PIK3C3: variants seen among roughly 807,000 people sequenced by gnomAD.
PIK3C3 encodes the protein PI3-kinase type 3.
In PIK3C3, 95 loss-of-function variants were observed where a neutral mutation model predicts 126.1. The ratio of observed to expected loss-of-function variants is 0.75; its 90% CI spans 0.64 to 0.89. PIK3C3 has a LOEUF of 0.89. Ranked by LOEUF, PIK3C3 falls within the 40% of genes least tolerant of loss-of-function variation. The probability of loss-of-function intolerance (pLI) is 0.00; values close to 1 mark genes in which losing one functional copy is unlikely to be tolerated. For synonymous variants in PIK3C3, 374 were observed against 360.0 expected (o/e 1.04, Z -0.44); for missense variants, 829 against 1,063.2 (o/e 0.78, Z 3.06).
In PIK3C3 at chr18:41,972,508, A is replaced by C. The variant is rs955352044; in HGVS notation, c.531+2052A>C. On this transcript the variant is annotated intron_variant, in intron 4 of 24. Coordinates refer to ENST00000262039, the MANE Select transcript of PIK3C3 (RefSeq NM_002647.4). ...ATGGGAATAAAAATTAATGAGAGTG[A>C]GCAGCTTACAGTCCTCCTGATAGTA... is the stretch of plus-strand genomic sequence containing the variant. Among the ~76,000 whole-genome samples the C allele has an allele frequency of 2.0e-5, 3 of 152,126 alleles. No individual in the cohort carries two copies. The East Asian group carries it at 5.8e-4, about 29-fold the overall frequency.
intron 2 of PIK3C3, among the ~76,000 whole-genome samples, chr18:41,958,720 T>C (rs922696733): frequency 7.2e-5 from 11 of 152,090 alleles, no homozygotes; most frequent in Admixed American, 6.5e-4. Context: ...GATATATATG[T>C]ATATAGATAT....
chr18:41,966,078 C>T (rs1455953393), intron 3 of PIK3C3, among the ~76,000 whole-genome samples: 6 of 151,630 alleles, frequency 4.0e-5, no homozygotes, highest in Non-Finnish European at 7.4e-5. Context: ...GCACTGATTG[C>T]GTGAAATTAT....
chr18:42,030,211 C>T (rs1026812611), intron 15 of PIK3C3, among the ~76,000 whole-genome samples: 3 of 152,122 alleles, frequency 2.0e-5, no homozygotes, highest in African/African-American at 7.2e-5. Context: ...TTGACTTGCC[C>T]AAGGTTTCAC....
intron 23 of PIK3C3, among the ~76,000 whole-genome samples, chr18:42,066,002 C>G (rs886573347): frequency 6.6e-6 from 1 of 152,140 alleles, no homozygotes; most frequent in African/African-American, 2.4e-5. Context: ...TATTTTGATT[C>G]TCCTGCTCTG....
intron 24 of PIK3C3, among the ~76,000 whole-genome samples, chr18:42,069,971 G>T (rs1598954512): frequency 6.6e-6 from 1 of 152,056 alleles, no homozygotes; most frequent in East Asian, 1.9e-4. Flanking sequence ...TTTTTTGTTT[G>T]CTGTAATGTT....
chr18:42,087,230 C>G lies in PIK3C3; in HGVS notation c.*6093C>G, dbSNP rs1271500849. ...CCTCTATAGATGTCTGCACTGACAC[C>G]GTGGCTTTAAGGCATGGCCCATGAT... is the stretch of plus-strand genomic sequence containing the variant. On this transcript the variant is annotated 3_prime_UTR_variant, in exon 25 of 25. Transcript: ENST00000262039. 6.6e-6 allele frequency: 1 copy of G among 152,032 alleles called. No individual in the cohort carries two copies. The allele number at this position is 152,032 out of a possible 1,614,324, so 9.4% of individuals were successfully genotyped here. A position where few individuals can be genotyped will look rare whatever the true frequency, so the allele number is the denominator to read the frequency against.
intron 4 of PIK3C3, among the ~76,000 whole-genome samples, chr18:41,985,959 A>C (rs1053508990): frequency 6.6e-6 from 1 of 152,132 alleles, no homozygotes; most frequent in African/African-American, 2.4e-5. Context: ...TTAATTTACC[A>C]TTGCCAGTTC....
intron 24 of PIK3C3, among the ~76,000 whole-genome samples, chr18:42,069,426 C>G (rs1440895567): frequency 6.6e-6 from 1 of 152,164 alleles, no homozygotes; most frequent in African/African-American, 2.4e-5. Flanking sequence ...GACTTAAACC[C>G]AAATATTTTG....
At position 42,083,558 on chromosome 18, in the gene PIK3C3, A is replaced by G. The variant is rs1986323147; in HGVS notation, c.*2421A>G. ...GGAGTTAGCAAAAATCATTCTCCAT[A>G]TGATAGTTTTAGATGTTCCCCAGCT... On this transcript the variant is annotated 3_prime_UTR_variant, in exon 25 of 25. Transcript: ENST00000262039. 6.6e-6 allele frequency: 1 copy of G among 152,166 alleles called. No individual in the cohort carries two copies. Among genetic ancestry groups the G allele is most frequent in the African/African-American group, 2.4e-5 (1 of 41,432 alleles). The allele number at this position is 152,166 out of a possible 1,614,324, so 9.4% of individuals were successfully genotyped here. A position where few individuals can be genotyped will look rare whatever the true frequency, so the allele number is the denominator to read the frequency against.
chr18:42,027,666 T>G (rs1045815774), intron 14 of PIK3C3, 118 bp downstream of exon 14: 5 of 410,932 alleles, frequency 1.2e-5, no homozygotes, highest in Non-Finnish European at 1.3e-5. Flanking sequence ...TTTATTTTTA[T>G]TTTTTTGAGA....
rs551031323 is a variant in PIK3C3 at position 42,085,176 on chromosome 18, G to A, written c.*4039G>A. The A allele has an allele frequency of 4.5e-4, 69 of 152,172 alleles. No individual in the cohort carries two copies. Among genetic ancestry groups the A allele is most frequent in the African/African-American group, 1.6e-3 (66 of 41,530 alleles). 9.4% of individuals were successfully genotyped at this position (152,172 alleles called of 1,614,324 possible). On this transcript the variant is annotated 3_prime_UTR_variant, in exon 25 of 25. Coordinates refer to ENST00000262039, the MANE Select transcript of PIK3C3 (RefSeq NM_002647.4). ...AAGAATAGGTACAATGTAAATACTGGTAAGTGAAAGTTCATTTTGTTCAGT... is the reference window on the plus strand; with the variant it reads ...AAGAATAGGTACAATGTAAATACTGATAAGTGAAAGTTCATTTTGTTCAGT...
intron 2 of PIK3C3, among the ~76,000 whole-genome samples, chr18:41,962,177 A>G (rs1020493760): frequency 6.6e-6 from 1 of 152,190 alleles, no homozygotes; most frequent in Non-Finnish European, 1.5e-5. Flanking sequence ...TTTGTTTAAA[A>G]AGTTCTAACA....
At chr18:42,055,790 TAAAC>T (rs1308677928) in intron 21 of PIK3C3, among the ~76,000 whole-genome samples, 1 of 152,104 alleles carries the variant, frequency 6.6e-6, no homozygotes, top group Non-Finnish European at 1.5e-5. Flanking sequence ...GTTTAATTAT[TAAAC>T]AAAATGGAAA....
Position 42,037,795 on chromosome 18 carries a change from T to C in PIK3C3, c.1943T>C (p.Leu648Pro). 1.2e-6 allele frequency: 2 copies of C among 1,611,244 alleles called. No homozygotes were observed. Among genetic ancestry groups the C allele is most frequent in the Non-Finnish European group, 1.7e-6 (2 of 1,177,928 alleles). The change falls in exon 17 of 25, where the codon CTT (leucine) becomes CCT (proline). Residue 648 changes from leucine (L) to proline (P), a missense_variant. Transcript: ENST00000262039. ...GDDLRQDQLILQIISLMDKLL... is the reference protein window; with the variant it reads ...GDDLRQDQLIPQIISLMDKLL... ...GATTTACGTCAAGATCAACTTATTC[T>C]TCAAATCATTTCACTCATGGACAAG... is the stretch of plus-strand genomic sequence containing the variant.
chr18:41,981,177 A>G lies in PIK3C3; in HGVS notation c.532-6635A>G, dbSNP rs1466127740. The stretch of plus-strand genomic sequence containing the variant: ...ATCTCGTAAATTTATTTTTAATGCT[A>G]CCTTCTGTTTTATTAATCACTTTGG... On this transcript the variant is annotated intron_variant, in intron 4 of 24. Transcript: ENST00000262039. Among the ~76,000 whole-genome samples the G allele has an allele frequency of 2.0e-5, 3 of 152,264 alleles. No homozygotes were observed. In the South Asian group the frequency reaches 6.2e-4, roughly 32 times the overall value.
chr18:41,960,416 TAATTCAAAAATTACA>T, intron 2 of PIK3C3, among the ~76,000 whole-genome samples: 1 of 152,342 alleles, frequency 6.6e-6, no homozygotes, highest in Middle Eastern at 3.4e-3. Flanking sequence ...TAATACAATC[TAATTCAAAAATTACA>T]AAGTTAGGAT....
At chr18:42,080,986 C>A in intron 24 of PIK3C3, 137 bp from the exon 25 acceptor site, 1 of 565,548 alleles carries the variant, frequency 1.8e-6, no homozygotes, top group Non-Finnish European at 3.1e-6. Flanking sequence ...AATTGCAATC[C>A]TCTTGGTAGC....
chr18:42,076,344 A>C (rs899545075), intron 24 of PIK3C3, among the ~76,000 whole-genome samples: 10 of 151,880 alleles, frequency 6.6e-5, no homozygotes, highest in African/African-American at 2.4e-4. Context: ...TTGTAAATTT[A>C]AATTATCTTT....
chr18:42,069,086 A>G (rs190945462), intron 24 of PIK3C3, among the ~76,000 whole-genome samples: 3 of 152,288 alleles, frequency 2.0e-5, no homozygotes, highest in Non-Finnish European at 4.4e-5. Flanking sequence ...TATTTAATGA[A>G]CATAAAGGAA....
Sources: gnomAD v4.1 joint callset for allele counts (sites outside exome capture counted in the v4.1 genomes callset) on GRCh38, gnomAD v4.1.1 for gene constraint, MANE v1.5 for transcripts, NCBI Gene and HGNC (gene_info 2026-07-23, HGNC 2026-07-21) for gene names.